SLC44A5: variants seen among roughly 807,000 people sequenced by gnomAD.
SLC44A5 encodes solute carrier family 44 member 5, also known as choline transporter-like protein 5.
In SLC44A5, 57 loss-of-function variants were observed where a neutral mutation model predicts 101.8. That is an observed-to-expected ratio of 0.56 (90% CI 0.45 to 0.70). The LOEUF (loss-of-function observed/expected upper bound fraction) is 0.70. SLC44A5 is among the 30% of genes least tolerant of loss of function. The pLI is 0.00. For synonymous variants in SLC44A5, 281 were observed against 290.9 expected, an observed-to-expected ratio of 0.97 and a Z score of 0.35; for missense variants, 737 against 853.1, an observed-to-expected ratio of 0.86 and a Z score of 1.70.
At chr1:75,414,324 TACACAC>T (rs35421682) in intron 2 of SLC44A5, among the ~76,000 whole-genome samples, 3,311 of 146,066 alleles carry the variant, frequency 0.023, 105 homozygotes, top group African/African-American at 0.068. Flanking sequence ...CATATCCACA[TACACAC>T]ACACACACAC....
intron 3 of SLC44A5, among the ~76,000 whole-genome samples, chr1:75,388,208 T>TAAAA (rs374082481): frequency 7.7e-6 from 1 of 129,082 alleles, no homozygotes; most frequent in African/African-American, 3.1e-5. Flanking sequence ...ACTTAAAGTG[T>TAAAA]AATAAATAAA....
intron 1 of SLC44A5, among the ~76,000 whole-genome samples, chr1:75,551,883 G>A (rs933037861): frequency 2.0e-5 from 3 of 152,042 alleles, no homozygotes; most frequent in African/African-American, 7.2e-5. Flanking sequence ...ACTCACAAGG[G>A]AAAAGAATCC....
At chr1:75,432,665 A>G (rs1215781486) in intron 2 of SLC44A5, among the ~76,000 whole-genome samples, 3 of 152,114 alleles carry the variant, frequency 2.0e-5, no homozygotes, top group African/African-American at 7.2e-5. Flanking sequence ...ACCCAGCTTC[A>G]TTTTGTAATA....
chr1:75,395,732 T>C (rs761719840), intron 3 of SLC44A5, among the ~76,000 whole-genome samples: 1 of 152,152 alleles, frequency 6.6e-6, no homozygotes, highest in Non-Finnish European at 1.5e-5. Flanking sequence ...ATATACATTG[T>C]AGAAAGATTA....
intron 4 of SLC44A5, among the ~76,000 whole-genome samples, chr1:75,316,972 A>C (rs1655739842): frequency 6.6e-6 from 1 of 152,230 alleles, no homozygotes; most frequent in Non-Finnish European, 1.5e-5. Context: ...AGGGCAAATC[A>C]TTTCTAGGCA....
At chr1:75,427,342 A>G (rs1664371533) in intron 2 of SLC44A5, among the ~76,000 whole-genome samples, 1 of 152,244 alleles carries the variant, frequency 6.6e-6, no homozygotes, top group East Asian at 1.9e-4. Flanking sequence ...TAAACAAATC[A>G]GTCTAAATTA....
chr1:75,361,334 T>C (rs926025594), intron 3 of SLC44A5, among the ~76,000 whole-genome samples: 1 of 152,112 alleles, frequency 6.6e-6, no homozygotes, highest in Non-Finnish European at 1.5e-5. Context: ...GTCTAGGACT[T>C]CTAGAGTTAT....
chr1:75,331,093 T>C (rs1256945974), intron 4 of SLC44A5, among the ~76,000 whole-genome samples: 1 of 151,884 alleles, frequency 6.6e-6, no homozygotes, highest in Non-Finnish European at 1.5e-5. Flanking sequence ...CTTTTGAGTC[T>C]GGAGTGTTGT....
chr1:75,595,848 T>C (rs1444534948), intron 1 of SLC44A5, among the ~76,000 whole-genome samples: 1 of 152,180 alleles, frequency 6.6e-6, no homozygotes, highest in Non-Finnish European at 1.5e-5. Context: ...AAAGGAAGAA[T>C]AGGACAGAAA....
At chr1:75,680,097 C>A in the SLC44A5 span, among the ~76,000 whole-genome samples, 16 of 152,276 alleles carry the variant, frequency 1.1e-4, no homozygotes, top group Admixed American at 5.2e-4. Flanking sequence ...TACAGGAGCA[C>A]CCAGATTCAT....
intron 3 of SLC44A5, among the ~76,000 whole-genome samples, chr1:75,384,113 T>C (rs1319316654): frequency 6.6e-6 from 1 of 151,952 alleles, no homozygotes; most frequent in Middle Eastern, 3.2e-3. Context: ...TGCCAAAATG[T>C]AAAGACCATC....
intron 4 of SLC44A5, among the ~76,000 whole-genome samples, chr1:75,301,210 A>T (rs551118174): frequency 1.3e-5 from 2 of 152,306 alleles, no homozygotes; most frequent in South Asian, 4.1e-4. Context: ...ATTAAAAATA[A>T]AATGCCTCAA....
intron 5 of SLC44A5, among the ~76,000 whole-genome samples, chr1:75,285,606 T>C (rs910246482): frequency 2.0e-5 from 3 of 152,220 alleles, no homozygotes; most frequent in African/African-American, 7.2e-5. Flanking sequence ...CAGCATTTAA[T>C]GCTATGAAGA....
At chr1:75,352,531 G>A (rs1336386521) in intron 3 of SLC44A5, among the ~76,000 whole-genome samples, 4 of 151,856 alleles carry the variant, frequency 2.6e-5, no homozygotes, top group Admixed American at 2.6e-4. Context: ...AATAAATAAT[G>A]AAATCATATT....
intron 2 of SLC44A5, among the ~76,000 whole-genome samples, chr1:75,487,156 G>C (rs1668195789): frequency 6.6e-6 from 1 of 152,112 alleles, no homozygotes; most frequent in Admixed American, 6.6e-5. Context: ...CTCCTATGGA[G>C]TTTTCAGTCT....
At chr1:75,328,230 G>T (rs1279582274) in intron 4 of SLC44A5, among the ~76,000 whole-genome samples, 2 of 152,140 alleles carry the variant, frequency 1.3e-5, no homozygotes, top group Non-Finnish European at 2.9e-5. Context: ...TAAATATATA[G>T]ATTGATTGAG....
At chr1:75,511,040 G>A (rs1343528975) in intron 2 of SLC44A5, among the ~76,000 whole-genome samples, 2 of 152,200 alleles carry the variant, frequency 1.3e-5, no homozygotes, top group Non-Finnish European at 2.9e-5. Flanking sequence ...CTACTCGGGA[G>A]GCTGAGGCAG....
In SLC44A5 at chr1:75,485,025, G is replaced by A. The variant is rs373406506; in HGVS notation, c.13+56410C>T. Among the ~76,000 whole-genome samples the A allele has an allele frequency of 2.5e-4, 38 of 152,364 alleles. No individual in the cohort carries two copies. The South Asian group carries it at 7.9e-3, about 32-fold the overall frequency. On this transcript the variant is annotated intron_variant, in intron 2 of 23. Transcript: ENST00000370859. ...TCCCAGGCCTCCAGGCCTGTGATAG[G>A]AGGCTATGCCATGTAGATCTCTGAA...
intron 5 of SLC44A5, among the ~76,000 whole-genome samples, chr1:75,299,000 C>G (rs1314569460): frequency 6.6e-6 from 1 of 152,074 alleles, no homozygotes; most frequent in Non-Finnish European, 1.5e-5. Context: ...CTAGATGTGC[C>G]TGATTCCAAA....
Sources: gnomAD v4.1 joint callset for allele counts (sites outside exome capture counted in the v4.1 genomes callset) on GRCh38, gnomAD v4.1.1 for gene constraint, MANE v1.5 for transcripts, NCBI Gene and HGNC (gene_info 2026-07-23, HGNC 2026-07-21) for gene names.